Variants in SCUBE2 observed in about 807,000 individuals in gnomAD.
The protein encoded by SCUBE2 is signal peptide, CUB domain and EGF like domain containing 2, also known as signal peptide, CUB and EGF-like domain-containing protein 2.
SCUBE2 carries 114 observed loss-of-function variants against 125.9 expected under a neutral mutation model. The observed-to-expected ratio is 0.91, with a 90% confidence interval of 0.78 to 1.06. SCUBE2 has a LOEUF of 1.06. SCUBE2 is among the 50% of genes least tolerant of loss of function. The pLI, the probability that SCUBE2 is intolerant of heterozygous loss-of-function variation, is 0.00. For missense variants in SCUBE2, 1,255 were observed against 1,301.8 expected (o/e 0.96, Z 0.55); for synonymous variants, 459 against 492.9 (o/e 0.93, Z 0.91).
At chr11:9,037,678 C>T (rs1209280031) in intron 16 of SCUBE2, among the ~76,000 whole-genome samples, 1 of 152,240 alleles carries the variant, frequency 6.6e-6, no homozygotes, top group Non-Finnish European at 1.5e-5. Context: ...GCCTCAGGAT[C>T]CTGGTTTGAG....
At chr11:9,089,869 G>C (rs1862484597) in intron 1 of SCUBE2, 40 bp from the exon 2 acceptor site, 1 of 1,605,648 alleles carries the variant, frequency 6.2e-7, no homozygotes, top group Non-Finnish European at 8.5e-7. Context: ...CAGGCTCCCA[G>C]GCCATGTGTG....
intron 5 of SCUBE2, among the ~76,000 whole-genome samples, chr11:9,067,399 C>T (rs1209623234): frequency 6.6e-6 from 1 of 152,212 alleles, no homozygotes; most frequent in African/African-American, 2.4e-5. Flanking sequence ...AACTACAAAA[C>T]TATCTATTCA....
intron 7 of SCUBE2, among the ~76,000 whole-genome samples, chr11:9,065,567 G>A (rs1016692838): frequency 6.6e-6 from 1 of 152,202 alleles, no homozygotes; most frequent in Non-Finnish European, 1.5e-5. Flanking sequence ...CTGGCCCTAA[G>A]AGGTAGACTT....
Position 9,065,886 on chromosome 11 carries a change from C to T in SCUBE2, c.850+5G>A, listed in dbSNP as rs1351561172. On this transcript the variant is annotated splice_donor_5th_base_variant and intron_variant, in intron 7 of 22. Coordinates refer to ENST00000649792, the MANE Select transcript of SCUBE2 (RefSeq NM_001367977.2). ...TGGCCAAGGAAAGGGAGTGAAGGTG[C>T]CTACCCATGAGCAGCCGCCGTTTCA... is the stretch of plus-strand genomic sequence containing the variant. 11 of 1,613,074 alleles carry T rather than the reference C, an allele frequency of 6.8e-6. No homozygotes were observed. Among genetic ancestry groups the T allele is most frequent in the Non-Finnish European group, 9.3e-6 (11 of 1,179,040 alleles).
intron 17 of SCUBE2, among the ~76,000 whole-genome samples, chr11:9,032,397 G>T (rs113344396): frequency 2.0e-4 from 31 of 152,192 alleles, no homozygotes; most frequent in African/African-American, 5.1e-4. Flanking sequence ...AAGTGCTAGG[G>T]TTACAGGTAT....
chr11:9,086,785 G>A (rs912029991), intron 2 of SCUBE2, among the ~76,000 whole-genome samples: 8 of 151,168 alleles, frequency 5.3e-5, no homozygotes, highest in Admixed American at 2.0e-4. Context: ...CCTGGGAGGC[G>A]GAGGTTGCAG....
intron 1 of SCUBE2, among the ~76,000 whole-genome samples, chr11:9,090,123 T>A (rs1862510432): frequency 6.6e-6 from 1 of 152,184 alleles, no homozygotes; most frequent in Admixed American, 6.5e-5. Context: ...CCTCACCAAG[T>A]GCTCGCATAT....
At chr11:9,062,762 T>A (rs188871713) in intron 7 of SCUBE2, among the ~76,000 whole-genome samples, 74 of 146,420 alleles carry the variant, frequency 5.1e-4, no homozygotes, top group Admixed American at 1.8e-3. Flanking sequence ...TGTGCAAAGA[T>A]TAGAAGAAAA....
In SCUBE2 at chr11:9,091,430, CG is replaced by C; in HGVS notation, c.98del (p.Pro33ArgfsTer14). On this transcript the variant is annotated frameshift_variant, in exon 1 of 23. Transcript: ENST00000649792. LOFTEE classifies it high-confidence loss of function. The surrounding 1 kb of genome is among the most constrained non-coding windows in gnomAD (Gnocchi z 8.5). Reference sequence around the variant, plus strand: ...GCCCCGCGGCACGGCCCCGACCCGGCGGGACGGCCCCCGCCAGCAGCAGCAG... The same window carrying C: ...GCCCCGCGGCACGGCCCCGACCCGGCGGACGGCCCCCGCCAGCAGCAGCAG... ...PPLLLLAGAV[P>X]PGRGRAAGPQ... The C allele has an allele frequency of 1.4e-5, 19 of 1,332,012 alleles. No homozygotes were observed. The highest frequency in any genetic ancestry group is 1.8e-5 in the Non-Finnish European group (19 of 1,042,788). 82.5% of individuals were successfully genotyped at this position (1,332,012 alleles called of 1,614,324 possible). A position where few individuals can be genotyped will look rare whatever the true frequency, so the allele number is the denominator to read the frequency against.
intron 4 of SCUBE2, among the ~76,000 whole-genome samples, chr11:9,070,149 CAGAGAGAGAGAGAAGAG>C (rs1860642090): frequency 7.2e-6 from 1 of 139,728 alleles, no homozygotes; most frequent in African/African-American, 3.3e-5. Flanking sequence ...AGAGAAGAGA[CAGAGAGAGAGAGAAGAG>C]AGAGAGAGAG....
At chr11:9,076,322 C>A (rs560116509) in intron 3 of SCUBE2, among the ~76,000 whole-genome samples, 1 of 151,908 alleles carries the variant, frequency 6.6e-6, no homozygotes, top group African/African-American at 2.4e-5. Context: ...ACTGTCAGGG[C>A]GGCCTTAGGG....
intron 10 of SCUBE2, among the ~76,000 whole-genome samples, chr11:9,054,725 ATTTT>A (rs1174774188): frequency 5.9e-3 from 132 of 22,284 alleles, no homozygotes; most frequent in South Asian, 0.015. Context: ...ATATATATAT[ATTTT>A]TTTTTTTTTT....
At chr11:9,061,261 G>T (rs910579628) in intron 7 of SCUBE2, among the ~76,000 whole-genome samples, 3 of 152,076 alleles carry the variant, frequency 2.0e-5, no homozygotes, top group Non-Finnish European at 2.9e-5. Flanking sequence ...TTAAAGGCTG[G>T]GGGTGGGGGG....
intron 4 of SCUBE2, among the ~76,000 whole-genome samples, chr11:9,070,841 G>A (rs1450821950): frequency 2.6e-5 from 4 of 152,172 alleles, no homozygotes; most frequent in Admixed American, 2.6e-4. Flanking sequence ...ACTTTCTGGA[G>A]TCTCTCTTAA....
At chr11:9,090,707 C>T (rs932418822) in intron 1 of SCUBE2, among the ~76,000 whole-genome samples, 4 of 151,946 alleles carry the variant, frequency 2.6e-5, no homozygotes, top group African/African-American at 9.7e-5. Flanking sequence ...CCCCTGCACT[C>T]CCACCCCTGC....
intron 4 of SCUBE2, among the ~76,000 whole-genome samples, chr11:9,073,769 T>G (rs1860997770): frequency 6.6e-6 from 1 of 152,038 alleles, no homozygotes; most frequent in African/African-American, 2.4e-5. Context: ...TGACATTCAG[T>G]TAAAAATAAC....
At chr11:9,071,020 G>A (rs1411341015) in intron 4 of SCUBE2, among the ~76,000 whole-genome samples, 1 of 152,184 alleles carries the variant, frequency 6.6e-6, no homozygotes, top group Admixed American at 6.5e-5. Flanking sequence ...TGGTAATTCC[G>A]AAGATGTGAT....
intron 7 of SCUBE2, chr11:9,064,711 T>C (rs1353825495): frequency 6.6e-6 from 1 of 152,174 alleles, no homozygotes; most frequent in Non-Finnish European, 1.5e-5. Flanking sequence ...CTTAAGACAA[T>C]GAAAATTTAT....
At chr11:9,088,371 C>G (rs1424500568) in intron 2 of SCUBE2, among the ~76,000 whole-genome samples, 1 of 152,208 alleles carries the variant, frequency 6.6e-6, no homozygotes, top group African/African-American at 2.4e-5. Flanking sequence ...GCCTGTAATC[C>G]CAGCTACTTG....
Sources: gnomAD v4.1 joint callset for allele counts (sites outside exome capture counted in the v4.1 genomes callset) on GRCh38, gnomAD v4.1.1 for gene constraint, Gnocchi (gnomAD v3.1) non-coding constraint, MANE v1.5 for transcripts, NCBI Gene and HGNC (gene_info 2026-07-23, HGNC 2026-07-21) for gene names.